Variants in MYBL1 observed in about 807,000 individuals in gnomAD.
The protein encoded by MYBL1 is MYB proto-oncogene like 1.
A neutral mutation model predicts 96.3 loss-of-function variants in MYBL1; 17 were observed. The observed-to-expected ratio is 0.18, with a 90% confidence interval of 0.12 to 0.26. MYBL1 has a LOEUF of 0.26. Among genes scored for constraint, MYBL1 ranks in the 10% least tolerant of loss-of-function variants. The pLI is 1.00. For synonymous variants in MYBL1, 282 were observed against 292.7 expected, an observed-to-expected ratio of 0.96 and a Z score of 0.37; for missense variants, 701 against 882.9, an observed-to-expected ratio of 0.79 and a Z score of 2.61.
chr8:66,579,905 T>C (rs1809130322), intron 9 of MYBL1, among the ~76,000 whole-genome samples: 1 of 152,122 alleles, frequency 6.6e-6, no homozygotes, highest in Admixed American at 6.6e-5. Flanking sequence ...TTGTATAACT[T>C]ATATAATAAA....
At chr8:66,585,294 G>A (rs1340411490) in intron 8 of MYBL1, among the ~76,000 whole-genome samples, 4 of 152,102 alleles carry the variant, frequency 2.6e-5, no homozygotes, top group Non-Finnish European at 5.9e-5. Flanking sequence ...AATAAATAAT[G>A]CTGGGAAAAC....
chr8:66,593,181 T>C lies in MYBL1; in HGVS notation c.701A>G (p.Gln234Arg). The C allele has an allele frequency of 6.3e-7, 1 of 1,579,896 alleles. No homozygotes were observed. The change falls in exon 7 of 16, where the codon CAG (glutamine) becomes CGG (arginine). Residue 234 changes from glutamine (Q) to arginine (R), a missense_variant. By Grantham distance (43) the Gln-to-Arg change is conservative. Transcript: ENST00000522677. ...FYIPVQIPGY[Q>R]YVSPEGNCIE... ...ACAATTGCCTTCAGGTGACACATAC[T>C]GATACCCAGGGATCTAAAAAGTAAT...
chr8:66,588,810 A>C (rs1260143690), intron 8 of MYBL1, among the ~76,000 whole-genome samples: 1 of 152,198 alleles, frequency 6.6e-6, no homozygotes, highest in Non-Finnish European at 1.5e-5. Context: ...TCACGAGGTC[A>C]GGAAATCAAG....
At chr8:66,579,192 GCA>G (rs1809096258) in intron 9 of MYBL1, among the ~76,000 whole-genome samples, 1 of 151,316 alleles carries the variant, frequency 6.6e-6, no homozygotes, top group South Asian at 2.1e-4. Flanking sequence ...TAACTAACCT[GCA>G]TATTGTGCAC....
intron 12 of MYBL1, 121 bp from the exon 13 acceptor site, chr8:66,567,113 T>C (rs2129694003): frequency 1.7e-6 from 1 of 605,878 alleles, no homozygotes; most frequent in South Asian, 2.3e-5. Flanking sequence ...CTAGCCCCTA[T>C]AGATACATTA....
At chr8:66,589,755 A>T (rs899889542) in intron 8 of MYBL1, among the ~76,000 whole-genome samples, 2 of 152,126 alleles carry the variant, frequency 1.3e-5, no homozygotes, top group African/African-American at 4.8e-5. Context: ...AAGTCCTGAG[A>T]TTACAGGCAT....
intron 9 of MYBL1, among the ~76,000 whole-genome samples, chr8:66,577,031 T>C (rs1273120914): frequency 1.3e-5 from 2 of 152,094 alleles, no homozygotes; most frequent in Non-Finnish European, 1.5e-5. Context: ...TCAACAACCC[T>C]TCATGCTAAA....
chr8:66,587,725 G>A (rs981963829), intron 8 of MYBL1, among the ~76,000 whole-genome samples: 24 of 152,268 alleles, frequency 1.6e-4, no homozygotes, highest in African/African-American at 5.5e-4. Flanking sequence ...TGATGAAAAT[G>A]TTCTATATTT....
At chr8:66,585,714 C>T (rs1809392057) in intron 8 of MYBL1, among the ~76,000 whole-genome samples, 2 of 152,044 alleles carry the variant, frequency 1.3e-5, no homozygotes, top group South Asian at 4.2e-4. Flanking sequence ...TGCACTCCAG[C>T]CTGGGTGACA....
In MYBL1 at chr8:66,609,365, C is replaced by T. The variant is rs568628642; in HGVS notation, c.20+3454G>A. 3.3e-5 allele frequency among the ~76,000 whole-genome samples: 5 copies of T among 151,908 alleles called. No homozygotes were observed. In the South Asian group the frequency reaches 1.0e-3, roughly 32 times the overall value. On this transcript the variant is annotated intron_variant, in intron 1 of 15. Coordinates refer to ENST00000522677, the MANE Select transcript of MYBL1 (RefSeq NM_001080416.4). ...TTCTATAAATTTGCTCTAGTAAAATCGCATCAAGTTGATAATATTTTTAAT... is the reference window on the plus strand; with the variant it reads ...TTCTATAAATTTGCTCTAGTAAAATTGCATCAAGTTGATAATATTTTTAAT...
chr8:66,585,983 C>CA (rs1304203412), intron 8 of MYBL1, among the ~76,000 whole-genome samples: 2 of 142,288 alleles, frequency 1.4e-5, no homozygotes, highest in South Asian at 2.2e-4. Flanking sequence ...CTAGACTAGA[C>CA]AAAAAAATCA....
chr8:66,580,929 C>T (rs1169488951), intron 8 of MYBL1, among the ~76,000 whole-genome samples: 8 of 150,950 alleles, frequency 5.3e-5, no homozygotes, highest in African/African-American at 1.2e-4. Flanking sequence ...GGTGCTCTCT[C>T]GGCTCACTGC....
At chr8:66,567,030 T>C (rs754911907) in intron 12 of MYBL1, 38 bp from the exon 13 acceptor site, 33 of 1,392,864 alleles carry the variant, frequency 2.4e-5, no homozygotes, top group South Asian at 1.1e-4. Flanking sequence ...AAGTCATTTA[T>C]AGCAATTCCT....
At chr8:66,607,129 C>CA (rs1226149503) in intron 1 of MYBL1, among the ~76,000 whole-genome samples, 21 of 125,022 alleles carry the variant, frequency 1.7e-4, no homozygotes, top group Non-Finnish European at 2.9e-4. Flanking sequence ...GTTAAAACAA[C>CA]AAAAAAAAAA....
chr8:66,568,650 C>G (rs542290672), intron 12 of MYBL1, among the ~76,000 whole-genome samples: 85 of 152,136 alleles, frequency 5.6e-4, no homozygotes, highest in African/African-American at 2.0e-3. Flanking sequence ...ATAAAGTATT[C>G]TTTTTTCAAA....
rs1430138521 is a variant in MYBL1 at position 66,564,369 on chromosome 8, A to G, written c.*328T>C. ...ATACACCTATCTATAACAAAACTGC[A>G]GCATCAAGAGAGTAGCAACATATAT... On this transcript the variant is annotated 3_prime_UTR_variant, in exon 16 of 16. Coordinates refer to ENST00000522677, the MANE Select transcript of MYBL1 (RefSeq NM_001080416.4). The G allele has an allele frequency of 6.1e-6, 1 of 163,878 alleles. No individual in the cohort carries two copies. The highest frequency in any genetic ancestry group is 1.3e-5 in the Non-Finnish European group (1 of 75,642). 10.2% of individuals were successfully genotyped at this position (163,878 alleles called of 1,614,324 possible). A position where few individuals can be genotyped will look rare whatever the true frequency, so the allele number is the denominator to read the frequency against.
intron 1 of MYBL1, among the ~76,000 whole-genome samples, chr8:66,604,117 TAGAAA>T (rs1387667562): frequency 6.6e-6 from 1 of 152,232 alleles, no homozygotes; most frequent in Admixed American, 6.5e-5. Context: ...ACAGAACATT[TAGAAA>T]AGAAAAAAGA....
Position 66,597,568 on chromosome 8 carries a change from A to G in MYBL1, c.292-18T>C, listed in dbSNP as rs372832807. On this transcript the variant is annotated intron_variant, in intron 4 of 15. Coordinates refer to ENST00000522677, the MANE Select transcript of MYBL1 (RefSeq NM_001080416.4). The stretch of plus-strand genomic sequence containing the variant: ...TCAATAACCTAGGAAACAGAAAAAC[A>G]AAGTTTAAAAAAGCATTACCTTCAA... The G allele has an allele frequency of 1.0e-5, 15 of 1,453,514 alleles. No individual in the cohort carries two copies. The highest frequency in any genetic ancestry group is 1.3e-5 in the Non-Finnish European group (14 of 1,056,038). The allele number at this position is 1,453,514 out of a possible 1,614,324, so 90.0% of individuals were successfully genotyped here.
intron 11 of MYBL1, 74 bp downstream of exon 11, chr8:66,573,290 A>G: frequency 1.5e-6 from 2 of 1,316,776 alleles, no homozygotes; most frequent in Non-Finnish European, 2.0e-6. Context: ...TGCTATTTAT[A>G]TGCACAAAAA....
Sources: gnomAD v4.1 joint callset for allele counts (sites outside exome capture counted in the v4.1 genomes callset) on GRCh38, gnomAD v4.1.1 for gene constraint, MANE v1.5 for transcripts, NCBI Gene and HGNC (gene_info 2026-07-23, HGNC 2026-07-21) for gene names.